Variants in TANC2 observed in about 807,000 individuals in gnomAD.
TANC2 encodes tetratricopeptide repeat, ankyrin repeat and coiled-coil containing 2, also known as protein TANC2.
TANC2 carries 26 observed loss-of-function variants against 210.5 expected under a neutral mutation model. The ratio of observed to expected loss-of-function variants is 0.12; its 90% CI spans 0.09 to 0.17. The LOEUF is 0.17. Among genes scored for constraint, TANC2 ranks in the 10% least tolerant of loss-of-function variants. TANC2 has a pLI of 1.00. For missense variants in TANC2, 2,129 were observed against 2,608.9 expected (o/e 0.82, Z 4.01); for synonymous variants, 931 against 967.1 (o/e 0.96, Z 0.69).
At chr17:63,041,675 A>G (rs955323737) in intron 2 of TANC2, among the ~76,000 whole-genome samples, 5 of 152,302 alleles carry the variant, frequency 3.3e-5, no homozygotes, top group South Asian at 4.1e-4. Flanking sequence ...TCTGTAATGA[A>G]CTAGAAGAGT....
intron 9 of TANC2, among the ~76,000 whole-genome samples, chr17:63,269,115 T>C (rs2043619335): frequency 6.6e-6 from 1 of 152,202 alleles, no homozygotes; most frequent in South Asian, 2.1e-4. Flanking sequence ...ATCATTATGC[T>C]AACAGTTTTT....
chr17:62,998,980 G>A (rs1483345287), intron 1 of TANC2, among the ~76,000 whole-genome samples: 2 of 152,216 alleles, frequency 1.3e-5, no homozygotes, highest in Non-Finnish European at 2.9e-5. Context: ...AGAAAGCAGG[G>A]ATTCCTATTC....
intron 14 of TANC2, among the ~76,000 whole-genome samples, chr17:63,370,447 G>A (rs181920642): frequency 1.3e-5 from 2 of 152,116 alleles, no homozygotes; most frequent in Admixed American, 6.5e-5. Context: ...CACAGTGCTG[G>A]GATTACAGGC....
At chr17:63,161,158 G>A (rs1451484899) in intron 5 of TANC2, among the ~76,000 whole-genome samples, 3 of 152,058 alleles carry the variant, frequency 2.0e-5, no homozygotes, top group Non-Finnish European at 4.4e-5. Context: ...GAAATAAAAT[G>A]TATACCAGCC....
At chr17:63,375,038 G>T (rs1020809508) in intron 14 of TANC2, among the ~76,000 whole-genome samples, 6 of 152,106 alleles carry the variant, frequency 3.9e-5, no homozygotes, top group African/African-American at 1.4e-4. Flanking sequence ...TGGTTTTGAG[G>T]GAAAGCTCCA....
chr17:63,006,576 TA>T (rs1235878481), intron 1 of TANC2, among the ~76,000 whole-genome samples: 2 of 152,234 alleles, frequency 1.3e-5, no homozygotes, highest in Non-Finnish European at 2.9e-5. Context: ...TTTTCTAGAT[TA>T]AAAAAATATT....
chr17:63,002,876 G>A (rs1317057824), intron 1 of TANC2, among the ~76,000 whole-genome samples: 2 of 151,992 alleles, frequency 1.3e-5, no homozygotes, highest in Non-Finnish European at 2.9e-5. Context: ...TAGTTTATTC[G>A]TCTGTTGATG....
chr17:63,061,617 C>T (rs74993193), intron 2 of TANC2, among the ~76,000 whole-genome samples: 4,482 of 151,908 alleles, frequency 0.03, 81 homozygotes, highest in South Asian at 0.037. Context: ...ACATATATAA[C>T]TAGATGTATA....
chr17:63,360,694 T>C (rs1048042576), intron 14 of TANC2, among the ~76,000 whole-genome samples: 1 of 152,226 alleles, frequency 6.6e-6, no homozygotes, highest in African/African-American at 2.4e-5. Context: ...TTTTTTACTC[T>C]AGTCACCTTG....
chr17:62,970,059 G>A (rs1489542899), intron 1 of TANC2, among the ~76,000 whole-genome samples: 1 of 152,158 alleles, frequency 6.6e-6, no homozygotes, highest in African/African-American at 2.4e-5. Context: ...CTTTTACCCA[G>A]TTTAAGAAAT....
At chr17:63,407,549 C>T (rs76211085) in intron 21 of TANC2, among the ~76,000 whole-genome samples, 1,603 of 152,286 alleles carry the variant, frequency 0.011, 28 homozygotes, top group African/African-American at 0.036. Flanking sequence ...ACATTTTCAT[C>T]TTTGGACTGT....
chr17:63,062,713 G>A (rs2036039663), intron 2 of TANC2, among the ~76,000 whole-genome samples: 1 of 151,780 alleles, frequency 6.6e-6, no homozygotes, highest in Non-Finnish European at 1.5e-5. Flanking sequence ...TAGCTGTTTT[G>A]TTTGTTCTTA....
chr17:63,327,264 G>A (rs1391780915), intron 11 of TANC2, among the ~76,000 whole-genome samples: 5 of 152,238 alleles, frequency 3.3e-5, no homozygotes, highest in Non-Finnish European at 5.9e-5. Flanking sequence ...CACTCTTTAC[G>A]TTGTTGGTGG....
intron 11 of TANC2, chr17:63,339,033 T>G (rs2046133894): frequency 6.6e-6 from 1 of 152,170 alleles, no homozygotes. Context: ...TGAGTGCCCC[T>G]AGGACAGATT....
chr17:63,285,371 T>C (rs1160024462), intron 9 of TANC2, among the ~76,000 whole-genome samples: 2 of 152,192 alleles, frequency 1.3e-5, no homozygotes, highest in Admixed American at 6.5e-5. Flanking sequence ...TTAGCTGTAC[T>C]CTTTGTTATT....
chr17:63,038,425 T>C (rs547726101), intron 2 of TANC2, among the ~76,000 whole-genome samples: 5 of 152,138 alleles, frequency 3.3e-5, no homozygotes, highest in Non-Finnish European at 7.4e-5. Flanking sequence ...TTTTCTAATA[T>C]TTTGTTGAGG....
chr17:63,007,280 A>C (rs1429433753), intron 1 of TANC2, among the ~76,000 whole-genome samples: 1 of 152,154 alleles, frequency 6.6e-6, no homozygotes, highest in African/African-American at 2.4e-5. Flanking sequence ...CTTTTTAATT[A>C]TTAAGAAATG....
At chr17:63,294,647 A>G (rs1305650161) in intron 9 of TANC2, among the ~76,000 whole-genome samples, 1 of 152,228 alleles carries the variant, frequency 6.6e-6, no homozygotes, top group Non-Finnish European at 1.5e-5. Context: ...TGATTTCATC[A>G]TAAACATTTT....
intron 12 of TANC2, among the ~76,000 whole-genome samples, chr17:63,349,910 T>G (rs2046543648): frequency 6.6e-6 from 1 of 152,194 alleles, no homozygotes; most frequent in Non-Finnish European, 1.5e-5. Flanking sequence ...TGCTTCGTCA[T>G]CTAGAATACC....
Sources: gnomAD v4.1 joint callset for allele counts (sites outside exome capture counted in the v4.1 genomes callset) on GRCh38, gnomAD v4.1.1 for gene constraint, MANE v1.5 for transcripts, NCBI Gene and HGNC (gene_info 2026-07-23, HGNC 2026-07-21) for gene names.